Variants in AKNAD1 observed in about 807,000 individuals in gnomAD.
The protein encoded by AKNAD1 is AKNA domain containing 1.
Under a neutral mutation model 90.8 loss-of-function variants are expected in AKNAD1, and 67 were observed. That is an observed-to-expected ratio of 0.74 (90% confidence interval 0.61 to 0.90). The LOEUF (loss-of-function observed/expected upper bound fraction) is 0.90. AKNAD1 is among the 40% of genes least tolerant of loss of function. The pLI is 0.00. For synonymous variants in AKNAD1, 327 were observed against 341.4 expected, an observed-to-expected ratio of 0.96 and a Z score of 0.46; for missense variants, 957 against 975.4, an observed-to-expected ratio of 0.98 and a Z score of 0.25.
intron 5 of AKNAD1, 145 bp from the exon 6 acceptor site, chr1:108,843,412 A>G (rs1330056252): frequency 2.0e-6 from 2 of 983,326 alleles, no homozygotes; most frequent in Non-Finnish European, 2.9e-6. Flanking sequence ...GTTTTGTCTC[A>G]GAGTCTGACA....
At chr1:108,829,110 A>G (rs183164822) in intron 10 of AKNAD1, among the ~76,000 whole-genome samples, 1 of 151,956 alleles carries the variant, frequency 6.6e-6, no homozygotes, top group Admixed American at 6.6e-5. Context: ...ATCTTCTAAC[A>G]GAAAGAATAT....
chr1:108,857,008 G>A lies in AKNAD1; in HGVS notation c.-183C>T. 1 of 152,322 alleles carries A rather than the reference G, an allele frequency of 6.6e-6. No homozygotes were observed. The highest frequency in any genetic ancestry group is 1.5e-5 in the Non-Finnish European group (1 of 68,050). 9.4% of individuals were successfully genotyped at this position (152,322 alleles called of 1,614,324 possible). A position where few individuals can be genotyped will look rare whatever the true frequency, so the allele number is the denominator to read the frequency against. The stretch of plus-strand genomic sequence containing the variant: ...CCATGTCAACACTTGGCTCAATCTT[G>A]AAATCCAAAGGCATATCCAAAGAGG... On this transcript the variant is annotated 5_prime_UTR_variant, in exon 1 of 16. Coordinates refer to ENST00000370001, the MANE Select transcript of AKNAD1 (RefSeq NM_152763.5).
chr1:108,852,405 T>C lies in AKNAD1; in HGVS notation c.260A>G (p.Lys87Arg). 6.2e-7 allele frequency: 1 copy of C among 1,613,956 alleles called. No individual in the cohort carries two copies. The highest frequency in any genetic ancestry group is 8.5e-7 in the Non-Finnish European group (1 of 1,179,946). Residue 87 changes from lysine to arginine, a missense_variant, in exon 2 of 16, where the codon AAA becomes AGA. Coordinates refer to ENST00000370001, the MANE Select transcript of AKNAD1 (RefSeq NM_152763.5). ...AAGAGCTGCAGTGCATTGTTTCTCT[T>C]TCTCGTCTTTTTTGTTGGCAGCATT... ...TENAANKKDEKEKQCTAALHI... is the reference protein window; with the variant it reads ...TENAANKKDEREKQCTAALHI...
At chr1:108,846,527 T>C (rs1037166934) in intron 5 of AKNAD1, among the ~76,000 whole-genome samples, 1 of 152,112 alleles carries the variant, frequency 6.6e-6, no homozygotes, top group African/African-American at 2.4e-5. Flanking sequence ...CAAAGACCCT[T>C]ATAACATCTT....
intron 5 of AKNAD1, among the ~76,000 whole-genome samples, chr1:108,844,522 C>G (rs1222596672): frequency 6.6e-6 from 1 of 152,044 alleles, no homozygotes; most frequent in African/African-American, 2.4e-5. Flanking sequence ...ATAAAGGATG[C>G]TCTGGAGGGC....
chr1:108,816,994 C>G, intron 15 of AKNAD1, 54 bp downstream of exon 15: 1 of 1,601,430 alleles, frequency 6.2e-7, no homozygotes, highest in Non-Finnish European at 8.5e-7. Flanking sequence ...CTGTGGGCAT[C>G]AAGATCAAAC....
chr1:108,828,977 A>G (rs533534723), intron 10 of AKNAD1, among the ~76,000 whole-genome samples: 1 of 152,000 alleles, frequency 6.6e-6, no homozygotes, highest in South Asian at 2.1e-4. Context: ...AGGGATAAGC[A>G]TATTTTACAT....
intron 1 of AKNAD1, among the ~76,000 whole-genome samples, chr1:108,854,245 C>A (rs1467285806): frequency 6.6e-6 from 1 of 152,172 alleles, no homozygotes; most frequent in Admixed American, 6.5e-5. Flanking sequence ...GATTTGTGAA[C>A]TTTTGGGATG....
rs1664867753 is a variant in AKNAD1 at position 108,851,689 on chromosome 1, G to C, written c.976C>G (p.Pro326Ala). 6.3e-7 allele frequency: 1 copy of C among 1,595,626 alleles called. No homozygotes were observed. The highest frequency in any genetic ancestry group is 8.5e-7 in the Non-Finnish European group (1 of 1,173,536). The change falls in exon 2 of 16, where the codon CCT becomes GCT. Residue 326 changes from proline (P) to alanine (A), a missense_variant. Coordinates refer to ENST00000370001, the MANE Select transcript of AKNAD1 (RefSeq NM_152763.5). ...HQEQKGKITEPSQQIQMEPIV... is the reference protein window; with the variant it reads ...HQEQKGKITEASQQIQMEPIV... Reference sequence around the variant, plus strand: ...TCATTTACCTGGATTTGTTGTGAAGGTTCAGTGATTTTCCCTTTCTGCTCT... The same window carrying C: ...TCATTTACCTGGATTTGTTGTGAAGCTTCAGTGATTTTCCCTTTCTGCTCT...
chr1:108,829,119 A>G (rs1031990347), intron 10 of AKNAD1, among the ~76,000 whole-genome samples: 8 of 151,828 alleles, frequency 5.3e-5, no homozygotes, highest in Non-Finnish European at 1.0e-4. Context: ...CAGAAAGAAT[A>G]TATAGTCCTC....
chr1:108,833,357 T>C (rs111300649), intron 9 of AKNAD1, among the ~76,000 whole-genome samples: 3 of 152,136 alleles, frequency 2.0e-5, no homozygotes, highest in African/African-American at 7.2e-5. Flanking sequence ...CTGAGGTGGG[T>C]GGATCACCTG....
intron 1 of AKNAD1, among the ~76,000 whole-genome samples, chr1:108,855,077 C>A (rs1664990446): frequency 6.6e-6 from 1 of 152,084 alleles, no homozygotes; most frequent in Non-Finnish European, 1.5e-5. Flanking sequence ...CACTCCTTAT[C>A]CGTGGGGATA....
At chr1:108,852,887 A>ATTTTTTACTGAT in intron 1 of AKNAD1, 120 bp from the exon 2 acceptor site, 1 of 405,514 alleles carries the variant, frequency 2.5e-6, no homozygotes, top group Non-Finnish European at 4.3e-6. Flanking sequence ...GAAGGCAGGA[A>ATTTTTTACTGAT]GCTCAACCAC....
At chr1:108,856,358 T>C (rs1045958246) in intron 1 of AKNAD1, among the ~76,000 whole-genome samples, 7 of 152,050 alleles carry the variant, frequency 4.6e-5, no homozygotes, top group Non-Finnish European at 7.4e-5. Context: ...TTTTAAAATA[T>C]AATTAATTAA....
chr1:108,827,774 A>G (rs1396362278), intron 10 of AKNAD1, among the ~76,000 whole-genome samples: 1 of 146,228 alleles, frequency 6.8e-6, no homozygotes, highest in Non-Finnish European at 1.5e-5. Flanking sequence ...AGATCGCGCC[A>G]CTGCACTCCA....
intron 1 of AKNAD1, 67 bp from the exon 2 acceptor site, chr1:108,852,834 A>T (rs113766024): frequency 2.3e-5 from 12 of 530,470 alleles, no homozygotes; most frequent in African/African-American, 1.6e-4. Context: ...ATGCCAGAAC[A>T]AAGTGGATGT....
In AKNAD1 at chr1:108,826,736, C is replaced by CTT. The variant is rs1450499628; in HGVS notation, c.1936+467_1936+468dup. On this transcript the variant is annotated intron_variant, in intron 11 of 15. Coordinates refer to ENST00000370001, the MANE Select transcript of AKNAD1 (RefSeq NM_152763.5). ...AGTGATTCTTTTTTTCTTTTCTTTTCTTTTTCTTTTTTTTTTTTTTTGAAA... is the reference window on the plus strand; with the variant it reads ...AGTGATTCTTTTTTTCTTTTCTTTTCTTTTTTTCTTTTTTTTTTTTTTTGAAA... 4.6e-4 allele frequency among the ~76,000 whole-genome samples: 53 copies of CTT among 114,770 alleles called. 1 individual carries two copies. Among genetic ancestry groups the CTT allele is most frequent in the African/African-American group, 1.6e-3 (43 of 26,614 alleles). The allele number at this position is 114,770 out of a possible 152,430, so 75.3% of individuals were successfully genotyped here.
intron 15 of AKNAD1, 158 bp downstream of exon 15, chr1:108,816,890 C>CTGTG: frequency 2.6e-6 from 2 of 778,798 alleles, no homozygotes; most frequent in South Asian, 3.8e-5. Context: ...ACTGCTGAGG[C>CTGTG]TGTGTGTCTT....
upstream of AKNAD1, chr1:108,857,471 A>G (rs1308457157): frequency 6.5e-6 from 1 of 152,830 alleles, no homozygotes; most frequent in Non-Finnish European, 1.5e-5. Context: ...CAAGAGGCCA[A>G]AGATGGTCAG....
Sources: allele counts gnomAD v4.1 joint callset (sites outside exome capture counted in the v4.1 genomes callset), GRCh38; gene constraint gnomAD v4.1.1; transcripts MANE v1.5; gene names NCBI Gene and HGNC (gene_info 2026-07-23, HGNC 2026-07-21).